The following PCDH9 variants were observed in gnomAD, a reference collection of about 807,000 sequenced individuals.
The protein encoded by PCDH9 is protocadherin-9.
A neutral mutation model predicts 70.6 loss-of-function variants in PCDH9; 24 were observed. The observed-to-expected ratio is 0.34, with a 90% confidence interval of 0.25 to 0.48. PCDH9 has a LOEUF of 0.48. PCDH9 is among the 20% of genes least tolerant of loss of function. PCDH9 has a pLI of 0.99. For missense variants in PCDH9, 1,281 were observed against 1,503.6 expected (o/e 0.85, Z 2.45); for synonymous variants, 562 against 558.5 (o/e 1.01, Z -0.09).
chr13:66,303,388 A>C lies in PCDH9; in HGVS notation c.*1267T>G, dbSNP rs1955404070. 1 of 152,514 alleles carries C rather than the reference A, an allele frequency of 6.6e-6. No individual in the cohort carries two copies. Among genetic ancestry groups the C allele is most frequent in the African/African-American group, 2.4e-5 (1 of 41,440 alleles). 9.4% of individuals were successfully genotyped at this position (152,514 alleles called of 1,614,324 possible). A position where few individuals can be genotyped will look rare whatever the true frequency, so the allele number is the denominator to read the frequency against. On this transcript the variant is annotated 3_prime_UTR_variant, in exon 5 of 5. Coordinates refer to ENST00000377865, the MANE Select transcript of PCDH9 (RefSeq NM_203487.3). ...TGACCAACTATGATAACAAACAGTT[A>C]AACAGCAATAATTAGAGATTTATCC...
intron 2 of PCDH9, among the ~76,000 whole-genome samples, chr13:67,196,903 A>G (rs539475280): frequency 1.3e-5 from 2 of 152,200 alleles, no homozygotes; most frequent in Admixed American, 1.3e-4. Flanking sequence ...GTGAAATTAT[A>G]AACATGGCTA....
At chr13:66,535,012 T>C (rs1960634422) in intron 4 of PCDH9, among the ~76,000 whole-genome samples, 1 of 152,086 alleles carries the variant, frequency 6.6e-6, no homozygotes, top group Non-Finnish European at 1.5e-5. Flanking sequence ...AATGGCTCTG[T>C]AATAAAGAAG....
chr13:66,348,865 T>C (rs1441001501), intron 4 of PCDH9, among the ~76,000 whole-genome samples: 2 of 152,130 alleles, frequency 1.3e-5, no homozygotes, highest in Non-Finnish European at 2.9e-5. Flanking sequence ...GAAAACCATG[T>C]TGTTCTTCCT....
At chr13:66,467,890 C>T (rs890283538) in intron 4 of PCDH9, among the ~76,000 whole-genome samples, 2 of 152,040 alleles carry the variant, frequency 1.3e-5, no homozygotes, top group African/African-American at 2.4e-5. Context: ...GTTCCTTGCT[C>T]ATTTCTCATT....
intron 3 of PCDH9, among the ~76,000 whole-genome samples, chr13:66,856,009 T>C (rs1785245866): frequency 6.6e-6 from 1 of 152,000 alleles, no homozygotes; most frequent in Non-Finnish European, 1.5e-5. Flanking sequence ...TATAGAGAGG[T>C]AAATAGAGAA....
intron 2 of PCDH9, among the ~76,000 whole-genome samples, chr13:67,155,858 C>G (rs763855289): frequency 6.6e-6 from 1 of 151,970 alleles, no homozygotes; most frequent in Non-Finnish European, 1.5e-5. Context: ...CTATTCATAC[C>G]TTAGAAACCC....
intron 4 of PCDH9, among the ~76,000 whole-genome samples, chr13:66,320,955 G>A (rs1955743187): frequency 6.6e-6 from 1 of 151,788 alleles, no homozygotes; most frequent in African/African-American, 2.4e-5. Flanking sequence ...TTTTCCTTTC[G>A]GAGTGTTTTT....
At chr13:66,790,897 A>C (rs2080153644) in intron 3 of PCDH9, among the ~76,000 whole-genome samples, 2 of 152,176 alleles carry the variant, frequency 1.3e-5, no homozygotes, top group South Asian at 4.1e-4. Context: ...TATCTTAGCC[A>C]GCTAATGTTG....
chr13:66,758,266 T>A (rs2079568008), intron 3 of PCDH9, among the ~76,000 whole-genome samples: 1 of 152,080 alleles, frequency 6.6e-6, no homozygotes, highest in South Asian at 2.1e-4. Context: ...ATAGTCACCA[T>A]GCTGTGCAAT....
At chr13:66,759,340 T>C (rs1008796322) in intron 3 of PCDH9, among the ~76,000 whole-genome samples, 2 of 152,130 alleles carry the variant, frequency 1.3e-5, no homozygotes, top group African/African-American at 4.8e-5. Flanking sequence ...GCTTGGAATA[T>C]CTTTTTCCAT....
At chr13:67,112,099 G>A (rs1027428135) in intron 2 of PCDH9, among the ~76,000 whole-genome samples, 2 of 152,096 alleles carry the variant, frequency 1.3e-5, no homozygotes, top group Admixed American at 6.5e-5. Context: ...CTTGAGTTCC[G>A]ACTGACTTTC....
chr13:66,693,600 T>C (rs2078518487), intron 3 of PCDH9, among the ~76,000 whole-genome samples: 1 of 152,190 alleles, frequency 6.6e-6, no homozygotes. Context: ...TGTTTACATG[T>C]CCAGGTTCCC....
intron 2 of PCDH9, among the ~76,000 whole-genome samples, chr13:66,970,291 T>C (rs1378738814): frequency 6.6e-6 from 1 of 151,908 alleles, no homozygotes; most frequent in Non-Finnish European, 1.5e-5. Context: ...TCTTCGTGCA[T>C]ACTGAGAATA....
intron 2 of PCDH9, among the ~76,000 whole-genome samples, chr13:67,169,012 C>T (rs1268551035): frequency 6.6e-6 from 1 of 152,134 alleles, no homozygotes; most frequent in Non-Finnish European, 1.5e-5. Context: ...TTAGTGTATG[C>T]TTTATGTACT....
At chr13:66,609,389 C>T (rs2077263015) in intron 4 of PCDH9, among the ~76,000 whole-genome samples, 2 of 152,004 alleles carry the variant, frequency 1.3e-5, no homozygotes. Flanking sequence ...TATTTTATTA[C>T]ATGGTTATCT....
chr13:67,167,731 T>C (rs1169961653), intron 2 of PCDH9, among the ~76,000 whole-genome samples: 1 of 152,192 alleles, frequency 6.6e-6, no homozygotes, highest in Non-Finnish European at 1.5e-5. Flanking sequence ...CTCCATTTTA[T>C]CTAAATATTC....
chr13:66,387,543 T>TAAA (rs35239094), intron 4 of PCDH9, among the ~76,000 whole-genome samples: 1 of 115,456 alleles, frequency 8.7e-6, no homozygotes, highest in African/African-American at 3.1e-5. Context: ...GATCTGGTGG[T>TAAA]AAAAAAAAAA....
intron 2 of PCDH9, chr13:67,001,789 C>G (rs1345551776): frequency 6.6e-6 from 1 of 152,172 alleles, no homozygotes; most frequent in Non-Finnish European, 1.5e-5. Context: ...GATATATTAG[C>G]TATATTAGGC....
At chr13:66,565,106 C>T (rs1185311470) in intron 4 of PCDH9, among the ~76,000 whole-genome samples, 4 of 152,140 alleles carry the variant, frequency 2.6e-5, no homozygotes, top group Non-Finnish European at 5.9e-5. Context: ...ATTTTCGTGT[C>T]TTAAATTTCT....
Sources: gnomAD v4.1 joint callset for allele counts (sites outside exome capture counted in the v4.1 genomes callset) on GRCh38, gnomAD v4.1.1 for gene constraint, MANE v1.5 for transcripts, NCBI Gene and HGNC (gene_info 2026-07-23, HGNC 2026-07-21) for gene names.